Variants in NKD1 observed in about 807,000 individuals in gnomAD.
NKD1 encodes protein naked cuticle homolog 1.
A neutral mutation model predicts 56.0 loss-of-function variants in NKD1; 21 were observed. The observed-to-expected ratio is 0.38, with a 90% CI of 0.27 to 0.54. The LOEUF (loss-of-function observed/expected upper bound fraction) is 0.54. NKD1 is among the 20% of genes least tolerant of loss of function. The pLI, the probability that NKD1 is intolerant of heterozygous loss-of-function variation, is 0.82. For missense variants in NKD1, 578 were observed against 642.7 expected (o/e 0.90, Z 1.09); for synonymous variants, 263 against 265.7 (o/e 0.99, Z 0.10).
rs190700615 is a variant in NKD1, at chr16:50,637,957, C to T, written c.*4176C>T. On this transcript the variant is annotated 3_prime_UTR_variant, in exon 10 of 10. Transcript: ENST00000268459. The stretch of plus-strand genomic sequence containing the variant: ...CCTGCTGTCATCTCCTGGGAGTACC[C>T]GGGGGTCAGGAGCCTAGGGGACTCT... The T allele has an allele frequency of 4.8e-3, 734 of 152,304 alleles. 3 individuals are homozygous for T. Among genetic ancestry groups the T allele is most frequent in the Non-Finnish European group, 8.1e-3 (551 of 68,054 alleles). The allele number at this position is 152,304 out of a possible 1,614,324, so 9.4% of individuals were successfully genotyped here. A position where few individuals can be genotyped will look rare whatever the true frequency, so the allele number is the denominator to read the frequency against.
intron 3 of NKD1, among the ~76,000 whole-genome samples, chr16:50,567,217 A>G (rs1184377844): frequency 6.6e-6 from 1 of 152,184 alleles, no homozygotes; most frequent in Non-Finnish European, 1.5e-5. Context: ...TAAATGATGA[A>G]GTAATGCATA....
chr16:50,625,601 T>C (rs1190541945), intron 6 of NKD1, 21 bp downstream of exon 6: 4 of 1,510,280 alleles, frequency 2.6e-6, no homozygotes, highest in African/African-American at 1.4e-5. Context: ...CTGCCTGGCC[T>C]CTTGCCGTGT....
chr16:50,594,999 C>T (rs1418908274), intron 3 of NKD1, among the ~76,000 whole-genome samples: 1 of 152,234 alleles, frequency 6.6e-6, no homozygotes, highest in Non-Finnish European at 1.5e-5. Flanking sequence ...TGCCTGGACC[C>T]ACTACGTTTT....
chr16:50,582,710 T>TA (rs1198867985), intron 3 of NKD1, among the ~76,000 whole-genome samples: 1 of 152,226 alleles, frequency 6.6e-6, no homozygotes, highest in African/African-American at 2.4e-5. Context: ...TGCATTGGGG[T>TA]AAAAATGCAT....
chr16:50,551,501 G>A (rs1960384086), intron 3 of NKD1, among the ~76,000 whole-genome samples: 1 of 152,246 alleles, frequency 6.6e-6, no homozygotes, highest in Admixed American at 6.5e-5. Flanking sequence ...TATGCAGGGG[G>A]CCGGCCTCTG....
intron 3 of NKD1, chr16:50,558,719 C>CAAAAAAAAAA (rs1186061460): frequency 1.2e-4 from 5 of 40,960 alleles, no homozygotes; most frequent in African/African-American, 1.6e-4. Flanking sequence ...GCTAAAAATA[C>CAAAAAAAAAA]AAAAAAAAAA....
intron 3 of NKD1, among the ~76,000 whole-genome samples, chr16:50,563,023 G>T (rs1200637451): frequency 2.0e-5 from 3 of 146,638 alleles, no homozygotes; most frequent in Non-Finnish European, 4.4e-5. Flanking sequence ...AGAAGAAGGG[G>T]CTGTAGAAGT....
At chr16:50,615,917 A>C in intron 4 of NKD1, 1 of 391,686 alleles carries the variant, frequency 2.6e-6, no homozygotes, top group South Asian at 1.9e-5. Context: ...AGCCTGATAC[A>C]GATACTGCAA....
chr16:50,617,684 C>T (rs1331761097), intron 4 of NKD1, among the ~76,000 whole-genome samples: 3 of 152,160 alleles, frequency 2.0e-5, no homozygotes, highest in Admixed American at 6.5e-5. Context: ...CCATTACCAA[C>T]CCCCCAGATT....
At chr16:50,552,597 G>A (rs558821626) in intron 3 of NKD1, 1 of 152,366 alleles carries the variant, frequency 6.6e-6, no homozygotes, top group South Asian at 2.1e-4. Context: ...AGAAATAAAT[G>A]AGGTCAGGCT....
chr16:50,610,187 A>G (rs1320410408), intron 4 of NKD1, among the ~76,000 whole-genome samples: 1 of 152,232 alleles, frequency 6.6e-6, no homozygotes, highest in Non-Finnish European at 1.5e-5. Context: ...TTCAAAAACT[A>G]TATTTTTTAA....
Position 50,621,607 on chromosome 16 carries a change from C to T in NKD1, c.265C>T (p.Leu89=), listed in dbSNP as rs138660386. Residue 89 remains leucine, a synonymous_variant, in exon 5 of 10, where the codon CTG becomes TTG. Coordinates refer to ENST00000268459, the MANE Select transcript of NKD1 (RefSeq NM_033119.5). ...CTCGCCTGCCTCCCCGACAGTGGCC[C>T]TGCCTCCTGAGAAGACTGACGGGCT... ...EEDDFRLEVA[L]PPEKTDGLGS... The T allele has an allele frequency of 1.5e-4, 250 of 1,613,280 alleles. No individual in the cohort carries two copies. Among genetic ancestry groups the T allele is most frequent in the Non-Finnish European group, 2.9e-5 (34 of 1,179,526 alleles).
At chr16:50,617,213 T>A (rs952772674) in intron 4 of NKD1, among the ~76,000 whole-genome samples, 2 of 152,032 alleles carry the variant, frequency 1.3e-5, no homozygotes, top group African/African-American at 4.8e-5. Flanking sequence ...GGGAGGGGTG[T>A]CTAGACCCAC....
At chr16:50,618,659 T>G (rs1962017082) in intron 4 of NKD1, among the ~76,000 whole-genome samples, 1 of 152,010 alleles carries the variant, frequency 6.6e-6, no homozygotes, top group East Asian at 1.9e-4. Context: ...GGATAGAGAG[T>G]GCTGACTGTC....
At chr16:50,574,722 G>A (rs942068801) in intron 3 of NKD1, 1 of 985,306 alleles carries the variant, frequency 1.0e-6, no homozygotes, top group African/African-American at 1.7e-5. Flanking sequence ...GGAGGCGCTT[G>A]GGTTTTCTTT....
At chr16:50,570,998 A>G (rs1381382871) in intron 3 of NKD1, 1 of 984,944 alleles carries the variant, frequency 1.0e-6, no homozygotes, top group African/African-American at 1.8e-5. Context: ...CTCATGGCGG[A>G]CCCTCCTGGG....
chr16:50,572,977 C>A (rs1960916422), intron 3 of NKD1: 3 of 609,308 alleles, frequency 4.9e-6, no homozygotes, highest in Non-Finnish European at 6.2e-6. Context: ...TGCTGCCTAG[C>A]AGTTGTGCAA....
At chr16:50,618,330 C>T (rs2151278061) in intron 4 of NKD1, among the ~76,000 whole-genome samples, 1 of 152,236 alleles carries the variant, frequency 6.6e-6, no homozygotes, top group East Asian at 1.9e-4. Flanking sequence ...AGAATGGACT[C>T]AGACTCTGGT....
chr16:50,619,869 G>GAC (rs1487096751), intron 4 of NKD1, among the ~76,000 whole-genome samples: 2 of 151,980 alleles, frequency 1.3e-5, no homozygotes, highest in Non-Finnish European at 2.9e-5. Context: ...GCCTCCATGA[G>GAC]AGAGAGAGAG....
Sources: gnomAD v4.1 joint callset for allele counts (sites outside exome capture counted in the v4.1 genomes callset) on GRCh38, gnomAD v4.1.1 for gene constraint, MANE v1.5 for transcripts, NCBI Gene and HGNC (gene_info 2026-07-23, HGNC 2026-07-21) for gene names.